Variants in WDR7 observed in about 807,000 individuals in gnomAD.
WDR7 encodes the protein WD repeat domain 7.
WDR7 carries 46 observed loss-of-function variants against 169.4 expected under a neutral mutation model. That is an observed-to-expected ratio of 0.27 (90% CI 0.21 to 0.35). The LOEUF is 0.35. Among genes scored for constraint, WDR7 ranks in the 10% least tolerant of loss-of-function variants. WDR7 has a pLI of 1.00. For missense variants in WDR7, 1,534 were observed against 1,859.3 expected, an observed-to-expected ratio of 0.83 and a Z score of 3.22; for synonymous variants, 612 against 666.8, an observed-to-expected ratio of 0.92 and a Z score of 1.27.
At chr18:56,713,598 T>C (rs1414191021) in intron 12 of WDR7, among the ~76,000 whole-genome samples, 9 of 152,218 alleles carry the variant, frequency 5.9e-5, no homozygotes, top group African/African-American at 1.9e-4. Flanking sequence ...TTATACAGTT[T>C]AAGTGTTTTA....
chr18:56,696,723 A>G (rs2025712545), intron 12 of WDR7, among the ~76,000 whole-genome samples: 1 of 152,222 alleles, frequency 6.6e-6, no homozygotes, highest in African/African-American at 2.4e-5. Flanking sequence ...GAAACATAGC[A>G]GCAGTTGAGA....
chr18:57,006,023 T>C (rs1412439451), intron 26 of WDR7, among the ~76,000 whole-genome samples: 1 of 152,226 alleles, frequency 6.6e-6, no homozygotes, highest in Non-Finnish European at 1.5e-5. Flanking sequence ...CAAACTACCT[T>C]CTCATATACT....
intron 14 of WDR7, among the ~76,000 whole-genome samples, chr18:56,738,273 A>G (rs769499625): frequency 6.6e-6 from 1 of 152,198 alleles, no homozygotes; most frequent in Non-Finnish European, 1.5e-5. Context: ...TATGATATAG[A>G]GATATTTAAA....
chr18:56,752,932 C>G (rs79144702), intron 14 of WDR7, among the ~76,000 whole-genome samples: 128 of 152,274 alleles, frequency 8.4e-4, no homozygotes, highest in African/African-American at 3.1e-3. Context: ...ATGTCTGAAA[C>G]TACTTGGTTC....
At chr18:57,021,913 A>G (rs1404046932) in intron 27 of WDR7, among the ~76,000 whole-genome samples, 1 of 152,258 alleles carries the variant, frequency 6.6e-6, no homozygotes, top group Non-Finnish European at 1.5e-5. Flanking sequence ...AAATGGATAC[A>G]ATAAATTACT....
intron 21 of WDR7, among the ~76,000 whole-genome samples, chr18:56,882,994 G>T (rs533033649): frequency 6.6e-6 from 1 of 152,232 alleles, no homozygotes; most frequent in South Asian, 2.1e-4. Flanking sequence ...AGGCCGAGGT[G>T]GGTGGATCGG....
At chr18:56,943,871 A>G (rs549216169) in intron 25 of WDR7, among the ~76,000 whole-genome samples, 3 of 151,748 alleles carry the variant, frequency 2.0e-5, no homozygotes, top group Admixed American at 2.0e-4. Flanking sequence ...AAATAGCATT[A>G]TATATAGAAT....
At position 57,027,333 on chromosome 18, in the gene WDR7, G is replaced by T; in HGVS notation, c.*126G>T. ...CACCCCAGTGCCATCCAGTGGCACG[G>T]CCGGGTCTTGTCACTTGTGCATGCT... On this transcript the variant is annotated 3_prime_UTR_variant, in exon 28 of 28. Transcript: ENST00000254442. The T allele has an allele frequency of 8.2e-7, 1 of 1,223,552 alleles. No homozygotes were observed. Among genetic ancestry groups the T allele is most frequent in the Non-Finnish European group, 1.1e-6 (1 of 890,928 alleles). The allele number at this position is 1,223,552 out of a possible 1,614,324, so 75.8% of individuals were successfully genotyped here. A position where few individuals can be genotyped will look rare whatever the true frequency, so the allele number is the denominator to read the frequency against.
At chr18:56,677,480 G>T (rs1194345880) in intron 2 of WDR7, among the ~76,000 whole-genome samples, 1 of 152,130 alleles carries the variant, frequency 6.6e-6, no homozygotes, top group South Asian at 2.1e-4. Flanking sequence ...CTCCCAAGTA[G>T]CTGGGACTAC....
At chr18:56,813,192 A>C (rs2044904513) in intron 19 of WDR7, among the ~76,000 whole-genome samples, 1 of 142,502 alleles carries the variant, frequency 7.0e-6, no homozygotes, top group East Asian at 1.9e-4. Context: ...AAAAAAAAAA[A>C]CATTAAAAAA....
At chr18:56,687,139 T>C (rs928651136) in intron 7 of WDR7, among the ~76,000 whole-genome samples, 165 bp downstream of exon 7, 1 of 152,210 alleles carries the variant, frequency 6.6e-6, no homozygotes. Flanking sequence ...GACTTGGCTA[T>C]ATGTAGTTGT....
intron 1 of WDR7, among the ~76,000 whole-genome samples, chr18:56,671,070 G>A (rs887330426): frequency 1.2e-4 from 18 of 152,060 alleles, no homozygotes. Flanking sequence ...GTGCTCTCCT[G>A]CAAGAGGTGC....
intron 20 of WDR7, among the ~76,000 whole-genome samples, chr18:56,839,753 C>T (rs1275712037): frequency 6.6e-6 from 1 of 152,064 alleles, no homozygotes; most frequent in Non-Finnish European, 1.5e-5. Flanking sequence ...TGGGGTGAGC[C>T]TATGGAAATA....
chr18:56,652,556 G>T (rs2024679590), intron 1 of WDR7, among the ~76,000 whole-genome samples: 1 of 152,158 alleles, frequency 6.6e-6, no homozygotes, highest in Non-Finnish European at 1.5e-5. Flanking sequence ...TGAACATAAT[G>T]TGTTGAAATG....
At chr18:56,915,647 A>G (rs970554786) in intron 21 of WDR7, among the ~76,000 whole-genome samples, 2 of 152,176 alleles carry the variant, frequency 1.3e-5, no homozygotes, top group Non-Finnish European at 2.9e-5. Context: ...AGCCCGAGAA[A>G]GTAGTTATTT....
chr18:56,666,198 C>T (rs1326560419), intron 1 of WDR7, among the ~76,000 whole-genome samples: 1 of 45,902 alleles, frequency 2.2e-5, no homozygotes, highest in Non-Finnish European at 5.3e-5. Flanking sequence ...TTCATTCCTT[C>T]GTCTTTTTTT....
intron 21 of WDR7, among the ~76,000 whole-genome samples, chr18:56,882,988 C>T (rs1002102177): frequency 6.6e-6 from 1 of 151,944 alleles, no homozygotes; most frequent in Non-Finnish European, 1.5e-5. Context: ...TTTGGGAGGC[C>T]GAGGTGGGTG....
intron 14 of WDR7, among the ~76,000 whole-genome samples, chr18:56,755,527 A>G (rs1231341319): frequency 6.6e-6 from 1 of 152,216 alleles, no homozygotes; most frequent in Non-Finnish European, 1.5e-5. Flanking sequence ...AAGAAAACAG[A>G]ATGATTTCCA....
At chr18:56,984,153 C>T (rs1022878378) in intron 26 of WDR7, among the ~76,000 whole-genome samples, 1 of 152,100 alleles carries the variant, frequency 6.6e-6, no homozygotes, top group African/African-American at 2.4e-5. Flanking sequence ...ACCTTTTCTT[C>T]ATGTTTCATG....
Sources: allele counts gnomAD v4.1 joint callset (sites outside exome capture counted in the v4.1 genomes callset), GRCh38; gene constraint gnomAD v4.1.1; transcripts MANE v1.5; gene names NCBI Gene and HGNC (gene_info 2026-07-23, HGNC 2026-07-21).